GRIK2: variants seen among roughly 807,000 people sequenced by gnomAD.
GRIK2 encodes glutamate ionotropic receptor kainate type subunit 2, also known as glutamate receptor ionotropic, kainate 2.
Under a neutral mutation model 100.3 loss-of-function variants are expected in GRIK2, and 32 were observed. That is an observed-to-expected ratio of 0.32 (90% CI 0.24 to 0.43). The LOEUF is 0.43. GRIK2 is among the 20% of genes least tolerant of loss of function. GRIK2 has a pLI of 1.00. For synonymous variants in GRIK2, 417 were observed against 389.4 expected (o/e 1.07, Z -0.83); for missense variants, 843 against 1,114.9 (o/e 0.76, Z 3.47).
intron 7 of GRIK2, among the ~76,000 whole-genome samples, chr6:101,713,570 T>C (rs1231757282): frequency 6.6e-6 from 1 of 151,868 alleles, no homozygotes; most frequent in African/African-American, 2.4e-5. Flanking sequence ...CAAAAGACTA[T>C]GATAAATCAG....
chr6:101,559,074 C>T (rs148654713), intron 2 of GRIK2, among the ~76,000 whole-genome samples: 130 of 152,188 alleles, frequency 8.5e-4, no homozygotes, highest in African/African-American at 3.0e-3. Context: ...CAGTCATTCT[C>T]TTAAAATACT....
At chr6:101,556,001 T>A (rs1776717089) in intron 2 of GRIK2, among the ~76,000 whole-genome samples, 1 of 152,100 alleles carries the variant, frequency 6.6e-6, no homozygotes, top group Non-Finnish European at 1.5e-5. Flanking sequence ...CACTGAAGTT[T>A]TCAGTAATTT....
At chr6:101,693,156 G>A (rs1418661362) in intron 7 of GRIK2, among the ~76,000 whole-genome samples, 2 of 152,050 alleles carry the variant, frequency 1.3e-5, no homozygotes, top group African/African-American at 4.8e-5. Flanking sequence ...TGATGGATAT[G>A]GAATTTCTAT....
rs1775138668 is a variant in GRIK2 at position 101,399,114 on chromosome 6, C to G, written c.-164C>G. On this transcript the variant is annotated 5_prime_UTR_variant, in exon 2 of 17. Transcript: ENST00000369134. ...GGCGCAGTGAGTGAAGAACATGCAG[C>G]GATTGCTAATGGGTTTGGGAAGCGG... 1 of 566,032 alleles carries G rather than the reference C, an allele frequency of 1.8e-6. No individual in the cohort carries two copies. The highest frequency in any genetic ancestry group is 2.3e-5 in the South Asian group (1 of 42,988). 35.1% of individuals were successfully genotyped at this position (566,032 alleles called of 1,614,324 possible). A position where few individuals can be genotyped will look rare whatever the true frequency, so the allele number is the denominator to read the frequency against.
In GRIK2 at chr6:101,520,744, A is replaced by G. The variant is rs113243674; in HGVS notation, c.116-101205A>G. Among the ~76,000 whole-genome samples the G allele has an allele frequency of 7.8e-3, 1,193 of 152,172 alleles. 12 individuals are homozygous for G. The highest frequency in any genetic ancestry group is 0.027 in the African/African-American group (1,127 of 41,550). On this transcript the variant is annotated intron_variant, in intron 2 of 16. Coordinates refer to ENST00000369134, the MANE Select transcript of GRIK2 (RefSeq NM_021956.5). ...GATGACATAGATTTAGTAGAACATAACACAACCTCCTAACCTCCTAAATAT... is the reference window on the plus strand; with the variant it reads ...GATGACATAGATTTAGTAGAACATAGCACAACCTCCTAACCTCCTAAATAT...
intron 2 of GRIK2, among the ~76,000 whole-genome samples, chr6:101,466,930 T>C (rs1285915208): frequency 1.3e-5 from 2 of 152,228 alleles, no homozygotes; most frequent in African/African-American, 4.8e-5. Flanking sequence ...TGTTCATTTA[T>C]TGCTTTTAAA....
intron 7 of GRIK2, among the ~76,000 whole-genome samples, chr6:101,787,482 G>A (rs1248795858): frequency 1.3e-5 from 2 of 151,876 alleles, no homozygotes; most frequent in African/African-American, 4.8e-5. Flanking sequence ...TATCCGGTGT[G>A]TTTTGATGTG....
chr6:101,507,108 C>T (rs1774063077), intron 2 of GRIK2, among the ~76,000 whole-genome samples: 4 of 152,034 alleles, frequency 2.6e-5, no homozygotes. Context: ...AAATTTATAA[C>T]TGATTTGACT....
chr6:101,494,166 T>C (rs376580280), intron 2 of GRIK2, among the ~76,000 whole-genome samples: 21 of 151,220 alleles, frequency 1.4e-4, no homozygotes, highest in Middle Eastern at 3.4e-3. Flanking sequence ...CACTCATTTA[T>C]ATATGAATCT....
chr6:101,522,894 A>G (rs976481178), intron 2 of GRIK2, among the ~76,000 whole-genome samples: 7 of 150,456 alleles, frequency 4.7e-5, no homozygotes, highest in South Asian at 4.2e-4. Context: ...CCAGCCAAAT[A>G]TATTTATTAT....
intron 4 of GRIK2, among the ~76,000 whole-genome samples, chr6:101,641,089 A>G (rs570215777): frequency 1.3e-5 from 2 of 152,252 alleles, no homozygotes; most frequent in African/African-American, 2.4e-5. Flanking sequence ...ATTAGCTTTA[A>G]TATGAAGGAA....
intron 14 of GRIK2, among the ~76,000 whole-genome samples, chr6:101,935,541 CTT>C (rs1790564014): frequency 6.6e-6 from 1 of 151,748 alleles, no homozygotes; most frequent in Non-Finnish European, 1.5e-5. Flanking sequence ...GTACATGAGA[CTT>C]TGTGTTTACC....
intron 4 of GRIK2, among the ~76,000 whole-genome samples, chr6:101,646,474 T>C (rs1781532222): frequency 6.6e-6 from 1 of 151,932 alleles, no homozygotes; most frequent in South Asian, 2.1e-4. Flanking sequence ...AAATATGTAT[T>C]ATCTTGACTA....
chr6:101,821,840 T>G (rs187342098), intron 10 of GRIK2, among the ~76,000 whole-genome samples: 34 of 152,206 alleles, frequency 2.2e-4, no homozygotes, highest in African/African-American at 8.2e-4. Flanking sequence ...TTTGCCCTTT[T>G]CTCTTGAAAT....
At chr6:101,620,151 T>C (rs1780083247) in intron 2 of GRIK2, 3 of 429,872 alleles carry the variant, frequency 7.0e-6, no homozygotes, top group Admixed American at 6.4e-5. Flanking sequence ...CAGATAGCAA[T>C]TGGCAAATCC....
chr6:101,658,353 T>C (rs1321775871), intron 4 of GRIK2, among the ~76,000 whole-genome samples: 2 of 152,212 alleles, frequency 1.3e-5, no homozygotes, highest in Non-Finnish European at 2.9e-5. Flanking sequence ...GGTTTCCAGC[T>C]TCATCCTTGT....
rs1476865020 is a variant in GRIK2, at chr6:101,489,450, A to G, written c.115+90058A>G. 1.4e-5 allele frequency among the ~76,000 whole-genome samples: 2 copies of G among 145,700 alleles called. 1 individual carries two copies. Among genetic ancestry groups the G allele is most frequent in the Non-Finnish European group, 3.0e-5 (2 of 66,286 alleles). ...TTTTATCCTCCCCCCGCCCGCCCAC[A>G]CTGATTCATTCATTTTTATTCTTGA... On this transcript the variant is annotated intron_variant, in intron 2 of 16. Transcript: ENST00000369134.
intron 2 of GRIK2, among the ~76,000 whole-genome samples, chr6:101,491,974 TTC>T (rs1773144490): frequency 6.6e-6 from 1 of 151,878 alleles, no homozygotes; most frequent in African/African-American, 2.4e-5. Flanking sequence ...CAAAAATTGT[TTC>T]TGTTATATAC....
intron 2 of GRIK2, among the ~76,000 whole-genome samples, chr6:101,523,490 T>C (rs973330021): frequency 6.6e-6 from 1 of 152,146 alleles, no homozygotes; most frequent in African/African-American, 2.4e-5. Context: ...AACTGTATCT[T>C]AAAGCTAGGA....
Sources: allele counts gnomAD v4.1 joint callset (sites outside exome capture counted in the v4.1 genomes callset), GRCh38; gene constraint gnomAD v4.1.1; transcripts MANE v1.5; gene names NCBI Gene and HGNC (gene_info 2026-07-23, HGNC 2026-07-21).